The following CYP7B1 variants were observed in gnomAD, a reference collection of about 807,000 sequenced individuals.
CYP7B1 encodes cytochrome P450 family 7 subfamily B member 1.
CYP7B1 carries 29 observed loss-of-function variants against 42.7 expected under a neutral mutation model. The observed-to-expected ratio is 0.68, with a 90% confidence interval of 0.51 to 0.93. The LOEUF is 0.93. Among genes scored for constraint, CYP7B1 ranks in the 40% least tolerant of loss-of-function variants. CYP7B1 has a pLI of 0.00. For synonymous variants in CYP7B1, 235 were observed against 218.2 expected, an observed-to-expected ratio of 1.08 and a Z score of -0.68; for missense variants, 655 against 600.5, an observed-to-expected ratio of 1.09 and a Z score of -0.95.
chr8:64,643,522 T>C (rs12677582), intron 1 of CYP7B1, among the ~76,000 whole-genome samples: 112,414 of 152,034 alleles, frequency 0.74, 41,896 homozygotes, highest in African/African-American at 0.83. Flanking sequence ...GCTGACTGAT[T>C]AGGGTGGTGA....
At chr8:64,636,111 C>G (rs1805766633) in intron 1 of CYP7B1, among the ~76,000 whole-genome samples, 1 of 152,114 alleles carries the variant, frequency 6.6e-6, no homozygotes, top group Non-Finnish European at 1.5e-5. Context: ...ATGACCACAC[C>G]ACTCAAGTGC....
intron 1 of CYP7B1, among the ~76,000 whole-genome samples, chr8:64,632,957 A>C (rs1805718976): frequency 1.3e-5 from 2 of 152,152 alleles, no homozygotes; most frequent in Admixed American, 6.5e-5. Context: ...GAGAGTCTTA[A>C]ATTTTATTAA....
chr8:64,792,451 C>G (rs1282291559), intron 1 of CYP7B1, among the ~76,000 whole-genome samples: 1 of 152,146 alleles, frequency 6.6e-6, no homozygotes, highest in Non-Finnish European at 1.5e-5. Flanking sequence ...AGCTGGACAA[C>G]TTTTGCTAGC....
intron 1 of CYP7B1, among the ~76,000 whole-genome samples, chr8:64,791,833 G>A (rs1200834669): frequency 6.6e-6 from 1 of 152,174 alleles, no homozygotes; most frequent in Admixed American, 6.5e-5. Flanking sequence ...GTTGGGTAAT[G>A]GGCAAATGCT....
chr8:64,756,776 A>G (rs906379765), intron 1 of CYP7B1, among the ~76,000 whole-genome samples: 1 of 152,110 alleles, frequency 6.6e-6, no homozygotes, highest in Non-Finnish European at 1.5e-5. Flanking sequence ...GTTGACACTA[A>G]TTTTCTTTGT....
chr8:64,657,596 G>A (rs190603372), intron 1 of CYP7B1, among the ~76,000 whole-genome samples: 14 of 152,192 alleles, frequency 9.2e-5, no homozygotes, highest in Admixed American at 7.8e-4. Flanking sequence ...AACAGGAGTA[G>A]GGTTAAAAAA....
chr8:64,634,077 T>C (rs921527449), intron 1 of CYP7B1, among the ~76,000 whole-genome samples: 3 of 152,232 alleles, frequency 2.0e-5, no homozygotes, highest in African/African-American at 7.2e-5. Context: ...TGATCTTTGA[T>C]ATCTTTTGAT....
chr8:64,730,148 G>T (rs757406686), intron 1 of CYP7B1, among the ~76,000 whole-genome samples: 6 of 152,088 alleles, frequency 3.9e-5, no homozygotes, highest in African/African-American at 7.2e-5. Context: ...TGCAACCTCC[G>T]CCTCCTGGGT....
intron 1 of CYP7B1, among the ~76,000 whole-genome samples, chr8:64,644,937 A>G (rs1326464101): frequency 2.3e-5 from 3 of 128,902 alleles, no homozygotes; most frequent in Admixed American, 8.9e-5. Context: ...CAGTCCCCAG[A>G]GTGTGATGTT....
chr8:64,686,993 G>A (rs1305178940), intron 1 of CYP7B1, among the ~76,000 whole-genome samples: 1 of 132,932 alleles, frequency 7.5e-6, no homozygotes. Context: ...AAACACTGCG[G>A]AAGGCCGCAG....
chr8:64,729,956 G>A (rs1320881456), intron 1 of CYP7B1, among the ~76,000 whole-genome samples: 22 of 152,106 alleles, frequency 1.4e-4, no homozygotes, highest in Admixed American at 1.4e-3. Flanking sequence ...TCTTTTGAAT[G>A]GCTATGCTGT....
At chr8:64,669,232 C>G (rs1806328239) in intron 1 of CYP7B1, among the ~76,000 whole-genome samples, 1 of 152,104 alleles carries the variant, frequency 6.6e-6, no homozygotes, top group Non-Finnish European at 1.5e-5. Context: ...TTGTTATACA[C>G]TATTAGCACT....
intron 1 of CYP7B1, among the ~76,000 whole-genome samples, chr8:64,666,548 GT>G (rs1350710818): frequency 9.1e-6 from 1 of 109,688 alleles, no homozygotes; most frequent in Non-Finnish European, 2.2e-5. Flanking sequence ...TAGGAAGAGT[GT>G]CCAGGTGGGG....
chr8:64,757,914 A>C (rs1418486853), intron 1 of CYP7B1, among the ~76,000 whole-genome samples: 1 of 152,158 alleles, frequency 6.6e-6, no homozygotes, highest in Non-Finnish European at 1.5e-5. Context: ...GTTCTCAGAC[A>C]CATTTCATGA....
At chr8:64,716,242 T>C (rs1807152683) in intron 1 of CYP7B1, among the ~76,000 whole-genome samples, 1 of 152,222 alleles carries the variant, frequency 6.6e-6, no homozygotes, top group African/African-American at 2.4e-5. Context: ...ATTTTTCATT[T>C]ACTTTTAATT....
chr8:64,650,309 TA>T (rs1025628552), intron 1 of CYP7B1, among the ~76,000 whole-genome samples: 5 of 152,100 alleles, frequency 3.3e-5, no homozygotes, highest in South Asian at 2.1e-4. Flanking sequence ...CTTAATGTCC[TA>T]AAAAAAATTA....
intron 1 of CYP7B1, among the ~76,000 whole-genome samples, chr8:64,720,721 G>A (rs1019856241): frequency 6.6e-6 from 1 of 152,074 alleles, no homozygotes; most frequent in Admixed American, 6.6e-5. Flanking sequence ...ATTAGTTCAA[G>A]AAATATAAAT....
At chr8:64,675,814 A>AT (rs1806437852) in intron 1 of CYP7B1, among the ~76,000 whole-genome samples, 1 of 152,044 alleles carries the variant, frequency 6.6e-6, no homozygotes, top group Admixed American at 6.6e-5. Context: ...GGGTTCATAC[A>AT]TTTTTCCTGT....
intron 2 of CYP7B1, among the ~76,000 whole-genome samples, chr8:64,623,079 G>A (rs1028930184): frequency 6.6e-6 from 1 of 152,094 alleles, no homozygotes; most frequent in African/African-American, 2.4e-5. Flanking sequence ...CAAAGAGAGG[G>A]AATAGCTAGC....
Sources: allele counts gnomAD v4.1 joint callset (sites outside exome capture counted in the v4.1 genomes callset), GRCh38; gene constraint gnomAD v4.1.1; transcripts MANE v1.5; gene names NCBI Gene and HGNC (gene_info 2026-07-23, HGNC 2026-07-21).